Variants in MORC1 observed in about 807,000 individuals in gnomAD.
The protein encoded by MORC1 is MORC family CW-type zinc finger 1.
MORC1 carries 59 observed loss-of-function variants against 134.9 expected under a neutral mutation model. That is an observed-to-expected ratio of 0.44 (90% CI 0.35 to 0.54). The LOEUF (loss-of-function observed/expected upper bound fraction) is 0.54. Among genes scored for constraint, MORC1 ranks in the 20% least tolerant of loss-of-function variants. MORC1 has a pLI of 0.00. For missense variants in MORC1, 947 were observed against 1,134.5 expected (o/e 0.83, Z 2.37); for synonymous variants, 395 against 391.7 (o/e 1.01, Z -0.10).
chr3:109,072,934 A>AACACACAC lies in MORC1; in HGVS notation c.690-3185_690-3178dup, dbSNP rs58749136. ...AGGAAGAGACAGAACAATCTCCCTC[A>AACACACAC]ACACACACACACACACACACACACA... On this transcript the variant is annotated intron_variant, in intron 8 of 27. Transcript: ENST00000232603. Among the ~76,000 whole-genome samples, 256 of 144,832 alleles carry AACACACAC rather than the reference A, an allele frequency of 1.8e-3. 2 individuals carry two copies. The highest frequency in any genetic ancestry group is 6.5e-3 in the African/African-American group (243 of 37,174).
chr3:109,060,950 A>G (rs917171687), intron 11 of MORC1, among the ~76,000 whole-genome samples: 12 of 152,150 alleles, frequency 7.9e-5, no homozygotes, highest in African/African-American at 2.9e-4. Flanking sequence ...TTAAAAATCA[A>G]TGATCAATAA....
At chr3:109,109,242 ATTGCC>A (rs1408548122) in intron 3 of MORC1, among the ~76,000 whole-genome samples, 1 of 151,772 alleles carries the variant, frequency 6.6e-6, no homozygotes, top group Non-Finnish European at 1.5e-5. Context: ...AGCACTTATC[ATTGCC>A]TTGTATATTA....
intron 8 of MORC1, among the ~76,000 whole-genome samples, chr3:109,077,694 T>TA (rs979930741): frequency 6.6e-6 from 1 of 151,354 alleles, no homozygotes; most frequent in Non-Finnish European, 1.5e-5. Context: ...TAAAATAAAT[T>TA]AAAAAATAAG....
intron 8 of MORC1, among the ~76,000 whole-genome samples, chr3:109,075,658 A>G (rs907554128): frequency 2.6e-5 from 4 of 152,052 alleles, no homozygotes; most frequent in East Asian, 1.9e-4. Flanking sequence ...ACTGGTCTAT[A>G]TATCTGTTTT....
chr3:108,998,437 C>A (rs1175402597), intron 21 of MORC1, among the ~76,000 whole-genome samples: 1 of 152,120 alleles, frequency 6.6e-6, no homozygotes, highest in African/African-American at 2.4e-5. Context: ...ATAATAAATA[C>A]CACCTTTGGG....
chr3:108,983,127 T>C (rs1405363874), intron 23 of MORC1, among the ~76,000 whole-genome samples: 1 of 152,222 alleles, frequency 6.6e-6, no homozygotes, highest in African/African-American at 2.4e-5. Flanking sequence ...AGTTTTTGGA[T>C]GATTCTTAAA....
chr3:108,985,008 T>A (rs1276092831), intron 22 of MORC1, among the ~76,000 whole-genome samples: 2 of 152,098 alleles, frequency 1.3e-5, no homozygotes, highest in African/African-American at 4.8e-5. Flanking sequence ...TCCAAGAGAG[T>A]GTAGCTTTTT....
At chr3:108,988,064 C>G (rs1947943650) in intron 21 of MORC1, among the ~76,000 whole-genome samples, 1 of 151,912 alleles carries the variant, frequency 6.6e-6, no homozygotes, top group African/African-American at 2.4e-5. Context: ...TCTTTCATGC[C>G]CTCTCTAACC....
Position 108,958,774 on chromosome 3 carries a change from G to A in MORC1, c.*191C>T. The A allele has an allele frequency of 3.3e-6, 1 of 307,428 alleles. No homozygotes were observed. The highest frequency in any genetic ancestry group is 1.1e-4 in the South Asian group (1 of 9,296). 19.0% of individuals were successfully genotyped at this position (307,428 alleles called of 1,614,324 possible). A position where few individuals can be genotyped will look rare whatever the true frequency, so the allele number is the denominator to read the frequency against. On this transcript the variant is annotated 3_prime_UTR_variant, in exon 28 of 28. Coordinates refer to ENST00000232603, the MANE Select transcript of MORC1 (RefSeq NM_014429.4). The stretch of plus-strand genomic sequence containing the variant: ...AAGGAAGATTTAGATAATTGGATTA[G>A]GGAATACATAAATTGTAAATCGGTC...
chr3:109,105,393 T>C (rs997752558), intron 3 of MORC1, among the ~76,000 whole-genome samples: 3 of 152,060 alleles, frequency 2.0e-5, no homozygotes, highest in Non-Finnish European at 4.4e-5. Flanking sequence ...TGTGGTGGCG[T>C]GTGCCTGTAG....
chr3:108,968,434 G>C (rs1180901740), intron 26 of MORC1, among the ~76,000 whole-genome samples: 1 of 152,190 alleles, frequency 6.6e-6, no homozygotes, highest in African/African-American at 2.4e-5. Context: ...TTGTAAGAAG[G>C]AATATGGTTT....
At chr3:109,004,612 T>A (rs1948493142) in intron 20 of MORC1, among the ~76,000 whole-genome samples, 1 of 152,220 alleles carries the variant, frequency 6.6e-6, no homozygotes, top group Non-Finnish European at 1.5e-5. Context: ...TCTAGAGTTG[T>A]GCATTTGTTA....
At chr3:109,091,772 T>TAA (rs891579365) in intron 8 of MORC1, among the ~76,000 whole-genome samples, 1 of 151,832 alleles carries the variant, frequency 6.6e-6, no homozygotes, top group Non-Finnish European at 1.5e-5. Context: ...GTGATTAAAC[T>TAA]AAAAAAAAAT....
In MORC1 at chr3:109,083,312, G is replaced by GGA. The variant is rs1553761110; in HGVS notation, c.689+10123_689+10124insTC. Among the ~76,000 whole-genome samples, 104 of 147,020 alleles carry GGA rather than the reference G, an allele frequency of 7.1e-4. 1 individual carries two copies. The highest frequency in any genetic ancestry group is 2.5e-3 in the African/African-American group (101 of 40,098). Reference sequence around the variant, plus strand: ...GAAAAAAACAAAATACTAAGGTAAAGAAAAAAAAAAACCTTTTCGAGATAC... The same window carrying GGA: ...GAAAAAAACAAAATACTAAGGTAAAGGAAAAAAAAAAAACCTTTTCGAGATAC... On this transcript the variant is annotated intron_variant, in intron 8 of 27. Transcript: ENST00000232603.
chr3:109,062,655 C>T (rs549414347), intron 10 of MORC1, among the ~76,000 whole-genome samples: 6 of 152,226 alleles, frequency 3.9e-5, no homozygotes, highest in African/African-American at 1.2e-4. Context: ...CTCCTGACCT[C>T]GTGATCCGCC....
chr3:109,029,126 T>C (rs908764184), intron 16 of MORC1, among the ~76,000 whole-genome samples: 3 of 152,188 alleles, frequency 2.0e-5, no homozygotes, highest in African/African-American at 7.2e-5. Context: ...TCTCGCCCCA[T>C]ACCAACAGAG....
intron 17 of MORC1, among the ~76,000 whole-genome samples, chr3:109,018,033 G>A (rs1559896011): frequency 6.6e-6 from 1 of 152,114 alleles, no homozygotes. Flanking sequence ...AGCAGAAATG[G>A]AGATTCCAAA....
Position 109,044,279 on chromosome 3 carries a change from GA to G in MORC1, c.1331-8812del, listed in dbSNP as rs550310876. ...AGCCTCTTTAAACCAAGCACCTGGGGAAAAAAAAAAGGGAAATACTTGTAAT... is the reference window on the plus strand; with the variant it reads ...AGCCTCTTTAAACCAAGCACCTGGGGAAAAAAAAAGGGAAATACTTGTAAT... On this transcript the variant is annotated intron_variant, in intron 14 of 27. Coordinates refer to ENST00000232603, the MANE Select transcript of MORC1 (RefSeq NM_014429.4). 1.9e-3 allele frequency among the ~76,000 whole-genome samples: 279 copies of G among 147,426 alleles called. 1 individual carries two copies. Among genetic ancestry groups the G allele is most frequent in the Non-Finnish European group, 3.3e-3 (217 of 66,496 alleles).
intron 2 of MORC1, among the ~76,000 whole-genome samples, chr3:109,112,247 G>T (rs556645356): frequency 5.3e-5 from 8 of 152,220 alleles, no homozygotes; most frequent in African/African-American, 1.9e-4. Context: ...AAGAGCTATT[G>T]TATTAGGAAG....
Sources: allele counts gnomAD v4.1 joint callset (sites outside exome capture counted in the v4.1 genomes callset), GRCh38; gene constraint gnomAD v4.1.1; transcripts MANE v1.5; gene names NCBI Gene and HGNC (gene_info 2026-07-23, HGNC 2026-07-21).